Variants in ZMIZ1 observed in about 807,000 individuals in gnomAD.
ZMIZ1 encodes the protein zinc finger MIZ-type containing 1.
In ZMIZ1, 17 loss-of-function variants were observed where a neutral mutation model predicts 113.9. The ratio of observed to expected loss-of-function variants is 0.15; its 90% CI spans 0.10 to 0.22. ZMIZ1 has a LOEUF of 0.22. Among genes scored for constraint, ZMIZ1 ranks in the 10% least tolerant of loss-of-function variants. ZMIZ1 has a pLI of 1.00. For missense variants in ZMIZ1, 1,059 were observed against 1,477.8 expected (o/e 0.72, Z 4.65); for synonymous variants, 607 against 603.1 (o/e 1.01, Z -0.09).
intron 23 of ZMIZ1, among the ~76,000 whole-genome samples, chr10:79,309,474 A>G (rs1011485939): frequency 6.6e-6 from 1 of 152,062 alleles, no homozygotes; most frequent in Non-Finnish European, 1.5e-5. Context: ...AGCCTCTTGT[A>G]TGTGTCTCAT....
intron 12 of ZMIZ1, chr10:79,295,402 A>G (rs1212816735): frequency 3.3e-5 from 5 of 152,234 alleles, no homozygotes; most frequent in Non-Finnish European, 7.3e-5. Context: ...GTCACAGCCT[A>G]TGCGGCCTGA....
At position 79,240,084 on chromosome 10, in the gene ZMIZ1, C is replaced by T. The variant is rs1054188836; in HGVS notation, c.280+23810C>T. ...CCACGGCAGGAGGAGTTCAAACACCCGCGAGAAAAGCCACCCGCTATTGAT... is the reference window on the plus strand; with the variant it reads ...CCACGGCAGGAGGAGTTCAAACACCTGCGAGAAAAGCCACCCGCTATTGAT... On this transcript the variant is annotated intron_variant, in intron 7 of 24. Transcript: ENST00000334512. 2.0e-5 allele frequency among the ~76,000 whole-genome samples: 3 copies of T among 152,228 alleles called. No homozygotes were observed. In the East Asian group the frequency reaches 5.8e-4, roughly 29 times the overall value.
At chr10:79,102,653 G>A (rs532918984) in intron 1 of ZMIZ1, among the ~76,000 whole-genome samples, 1 of 152,300 alleles carries the variant, frequency 6.6e-6, no homozygotes, top group Admixed American at 6.5e-5. Context: ...GGCTGGAGGC[G>A]AGTCCCAGGC....
In ZMIZ1 at chr10:79,307,523, C is replaced by T; in HGVS notation, c.2787C>T (p.Asn929=). ...TCTCCCACCCCCCGGACATGCCCAA[C>T]AACATGGCCGCCCTCGAGAAACCCC... ...PQLSHPPDMP[N]NMAALEKPLS... The change falls in exon 23 of 25, where the codon AAC becomes AAT. Residue 929 remains asparagine, a synonymous_variant. Coordinates refer to ENST00000334512, the MANE Select transcript of ZMIZ1 (RefSeq NM_020338.4). 1.2e-6 allele frequency: 2 copies of T among 1,611,642 alleles called. No individual in the cohort carries two copies. Among genetic ancestry groups the T allele is most frequent in the Non-Finnish European group, 1.7e-6 (2 of 1,179,086 alleles).
rs1046111085 is a variant in ZMIZ1 at position 79,184,371 on chromosome 10, C to G, written c.-49-17213C>G. ...GGAGACTGGCAGGTGTGACTCATGGCTCTGCCATGCACTTACTGCGTGGCC... is the reference window on the plus strand; with the variant it reads ...GGAGACTGGCAGGTGTGACTCATGGGTCTGCCATGCACTTACTGCGTGGCC... On this transcript the variant is annotated intron_variant, in intron 4 of 24. Coordinates refer to ENST00000334512, the MANE Select transcript of ZMIZ1 (RefSeq NM_020338.4). 2.6e-5 allele frequency among the ~76,000 whole-genome samples: 4 copies of G among 152,330 alleles called. No homozygotes were observed. In the East Asian group the frequency reaches 7.7e-4, roughly 29 times the overall value.
chr10:79,131,287 C>G (rs969281613), intron 2 of ZMIZ1, among the ~76,000 whole-genome samples: 3 of 152,088 alleles, frequency 2.0e-5, no homozygotes, highest in Non-Finnish European at 2.9e-5. Context: ...CTGAGCTACT[C>G]TGTGCAGGAG....
At chr10:79,191,376 G>GT (rs1465778997) in intron 4 of ZMIZ1, among the ~76,000 whole-genome samples, 7 of 151,902 alleles carry the variant, frequency 4.6e-5, no homozygotes, top group Non-Finnish European at 1.0e-4. Context: ...TGGTGGTCGG[G>GT]GGGGGTCCTG....
chr10:79,287,190 C>G (rs1853143589), intron 8 of ZMIZ1, among the ~76,000 whole-genome samples: 1 of 152,242 alleles, frequency 6.6e-6, no homozygotes, highest in African/African-American at 2.4e-5. Context: ...CCCCAGTGAC[C>G]TCCCTGGGAG....
At chr10:79,138,783 T>C (rs114211274) in intron 2 of ZMIZ1, among the ~76,000 whole-genome samples, 306 of 152,366 alleles carry the variant, frequency 2.0e-3, no homozygotes, top group African/African-American at 6.8e-3. Flanking sequence ...ATTTTTGTTT[T>C]ACTAGTTACA....
intron 1 of ZMIZ1, among the ~76,000 whole-genome samples, chr10:79,087,682 A>G (rs892250290): frequency 2.6e-5 from 4 of 152,108 alleles, no homozygotes; most frequent in African/African-American, 4.8e-5. Flanking sequence ...ACGATCTACA[A>G]TCTGAAATTC....
intron 1 of ZMIZ1, among the ~76,000 whole-genome samples, chr10:79,101,976 C>T (rs1021476729): frequency 1.3e-5 from 2 of 152,188 alleles, no homozygotes; most frequent in Non-Finnish European, 1.5e-5. Context: ...GTGGGACCTC[C>T]GACCAGCTCC....
rs563855802 is a variant in ZMIZ1 at position 79,078,619 on chromosome 10, A to T, written c.-337+9349A>T. 2.5e-3 allele frequency among the ~76,000 whole-genome samples: 301 copies of T among 122,620 alleles called. 2 individuals carry two copies. Among genetic ancestry groups the T allele is most frequent in the African/African-American group, 8.9e-3 (272 of 30,656 alleles). The allele number at this position is 122,620 out of a possible 152,430, so 80.4% of individuals were successfully genotyped here. A position where few individuals can be genotyped will look rare whatever the true frequency, so the allele number is the denominator to read the frequency against. ...GAGTGCAGTGGTGCAATCTCAGCTCACTGCAACCTCTGCCTCCTGGGCTCA... is the reference window on the plus strand; with the variant it reads ...GAGTGCAGTGGTGCAATCTCAGCTCTCTGCAACCTCTGCCTCCTGGGCTCA... On this transcript the variant is annotated intron_variant, in intron 1 of 24. Coordinates refer to ENST00000334512, the MANE Select transcript of ZMIZ1 (RefSeq NM_020338.4).
chr10:79,070,782 C>CCG (rs913208151), intron 1 of ZMIZ1, among the ~76,000 whole-genome samples: 4 of 152,112 alleles, frequency 2.6e-5, no homozygotes, highest in African/African-American at 9.7e-5. Context: ...CGGGAGCCGT[C>CCG]AGCTTCCTGG....
chr10:79,253,885 C>A (rs1042562711), intron 7 of ZMIZ1, among the ~76,000 whole-genome samples: 1 of 152,182 alleles, frequency 6.6e-6, no homozygotes, highest in Admixed American at 6.5e-5. Context: ...TGCACACACA[C>A]ACACACATGC....
chr10:79,140,908 G>A (rs569142332), intron 3 of ZMIZ1, among the ~76,000 whole-genome samples: 54 of 152,208 alleles, frequency 3.5e-4, no homozygotes, highest in African/African-American at 1.2e-3. Context: ...TCAGCCTCCC[G>A]TGTAGCTGGG....
At chr10:79,190,238 G>A (rs1484406157) in intron 4 of ZMIZ1, among the ~76,000 whole-genome samples, 3 of 152,222 alleles carry the variant, frequency 2.0e-5, no homozygotes, top group Non-Finnish European at 2.9e-5. Context: ...GCCCGTTTGA[G>A]CTGTCTGTGG....
At chr10:79,155,989 A>G (rs1447661578) in intron 3 of ZMIZ1, among the ~76,000 whole-genome samples, 5 of 152,126 alleles carry the variant, frequency 3.3e-5, no homozygotes. Flanking sequence ...TGTCTTCCCC[A>G]CTGGTGTCAC....
At chr10:79,214,967 G>A (rs1317557576) in intron 6 of ZMIZ1, among the ~76,000 whole-genome samples, 1 of 152,254 alleles carries the variant, frequency 6.6e-6, no homozygotes, top group East Asian at 1.9e-4. Flanking sequence ...GGAGCGCCCC[G>A]TCCCACACTG....
At chr10:79,263,017 A>G (rs1363730991) in intron 7 of ZMIZ1, among the ~76,000 whole-genome samples, 1 of 152,254 alleles carries the variant, frequency 6.6e-6, no homozygotes, top group Admixed American at 6.5e-5. Context: ...TGCTGGATGA[A>G]TGGATAAGAG....
Sources: allele counts gnomAD v4.1 joint callset (sites outside exome capture counted in the v4.1 genomes callset), GRCh38; gene constraint gnomAD v4.1.1; transcripts MANE v1.5; gene names NCBI Gene and HGNC (gene_info 2026-07-23, HGNC 2026-07-21).